Variants in DYNC1LI1 observed in about 807,000 individuals in gnomAD.
The protein encoded by DYNC1LI1 is dynein cytoplasmic 1 light intermediate chain 1, also known as cytoplasmic dynein 1 light intermediate chain 1.
In DYNC1LI1, 19 loss-of-function variants were observed where a neutral mutation model predicts 63.8. The ratio of observed to expected loss-of-function variants is 0.30; its 90% CI spans 0.21 to 0.44. The LOEUF (loss-of-function observed/expected upper bound fraction) is 0.44. Ranked by LOEUF, DYNC1LI1 falls within the 20% of genes least tolerant of loss-of-function variation. The probability of loss-of-function intolerance (pLI) is 1.00; values close to 1 mark genes in which losing one functional copy is unlikely to be tolerated. For synonymous variants in DYNC1LI1, 225 were observed against 232.3 expected (o/e 0.97, Z 0.28); for missense variants, 565 against 630.2 (o/e 0.90, Z 1.11).
chr3:32,526,975 C>A lies in DYNC1LI1; in HGVS notation c.1463-67G>T, dbSNP rs954718446. 1.5e-5 allele frequency: 16 copies of A among 1,096,920 alleles called. No individual in the cohort carries two copies. The Admixed American group carries it at 1.8e-4, about 13-fold the overall frequency. 67.9% of individuals were successfully genotyped at this position (1,096,920 alleles called of 1,614,324 possible). On this transcript the variant is annotated intron_variant, in intron 12 of 12. Coordinates refer to ENST00000273130, the MANE Select transcript of DYNC1LI1 (RefSeq NM_016141.4). ...GTGAAAGTATCGTTTTCACCAATAT[C>A]TCTTCATTTAAAAAGTCCTAACACT...
At chr3:32,569,746 C>G (rs1698315369) in intron 2 of DYNC1LI1, among the ~76,000 whole-genome samples, 1 of 152,196 alleles carries the variant, frequency 6.6e-6, no homozygotes, top group Non-Finnish European at 1.5e-5. Flanking sequence ...TGGACCGTTT[C>G]TCCTTATTAC....
chr3:32,561,770 A>G (rs1333795945), intron 2 of DYNC1LI1, among the ~76,000 whole-genome samples: 1 of 152,162 alleles, frequency 6.6e-6, no homozygotes, highest in Non-Finnish European at 1.5e-5. Flanking sequence ...AGGTATAACA[A>G]TAATAATCTG....
chr3:32,550,680 G>C (rs963838611), intron 2 of DYNC1LI1, among the ~76,000 whole-genome samples: 3 of 152,144 alleles, frequency 2.0e-5, no homozygotes, highest in Non-Finnish European at 4.4e-5. Flanking sequence ...TTGTTATAAG[G>C]TATCAGAATC....
At chr3:32,545,418 A>T in intron 3 of DYNC1LI1, 1 of 402,042 alleles carries the variant, frequency 2.5e-6, no homozygotes, top group South Asian at 3.1e-5. Flanking sequence ...TTTTACCATC[A>T]GCAGATAGAG....
chr3:32,561,750 G>A (rs1267208830), intron 2 of DYNC1LI1, among the ~76,000 whole-genome samples: 3 of 151,688 alleles, frequency 2.0e-5, no homozygotes, highest in Non-Finnish European at 2.9e-5. Context: ...TACTGGACAA[G>A]TGGAAAATGA....
chr3:32,535,296 A>C (rs1697759211), intron 6 of DYNC1LI1, among the ~76,000 whole-genome samples: 1 of 152,248 alleles, frequency 6.6e-6, no homozygotes, highest in Non-Finnish European at 1.5e-5. Context: ...CAAAAGACAC[A>C]GTGGATGTAA....
In DYNC1LI1 at chr3:32,529,580, G is replaced by A; in HGVS notation, c.1266C>T (p.Pro422=). 6.2e-7 allele frequency: 1 copy of A among 1,609,148 alleles called. No individual in the cohort carries two copies. Among genetic ancestry groups the A allele is most frequent in the Non-Finnish European group, 8.5e-7 (1 of 1,177,798 alleles). ...SVSSNVASVS[P]IPAGSKKIDP... is the part of the protein sequence containing the mutation. ...CAATTTTTTTTGACCCAGCAGGAAT[G>A]GGTGACACGCTGGCAACATTAGATG... Residue 422 remains proline, a synonymous_variant, in exon 11 of 13, where the codon CCC becomes CCT. Transcript: ENST00000273130.
intron 6 of DYNC1LI1, among the ~76,000 whole-genome samples, chr3:32,535,911 A>G (rs562717477): frequency 3.9e-5 from 6 of 152,294 alleles, no homozygotes; most frequent in Non-Finnish European, 8.8e-5. Context: ...ATGATTAAAG[A>G]GACTGTTTAC....
In DYNC1LI1 at chr3:32,537,927, A is replaced by ATATATATATATAATT. The variant is rs1697802340; in HGVS notation, c.739-824_739-823insAATTATATATATATA. ...TATATATATATAATTTATATATATA[A>ATATATATATATAATT]TATATATATAATATATATATAATTT... On this transcript the variant is annotated intron_variant, in intron 5 of 12. Transcript: ENST00000273130. Among the ~76,000 whole-genome samples, 84 of 33,214 alleles carry ATATATATATATAATT rather than the reference A, an allele frequency of 2.5e-3. 7 individuals carry two copies. The highest frequency in any genetic ancestry group is 9.5e-3 in the African/African-American group (60 of 6,286). 21.8% of individuals were successfully genotyped at this position (33,214 alleles called of 152,430 possible).
chr3:32,528,679 C>T, intron 11 of DYNC1LI1, 78 bp from the exon 12 acceptor site: 4 of 1,359,022 alleles, frequency 2.9e-6, no homozygotes, highest in East Asian at 2.5e-5. Flanking sequence ...AGTAATCACA[C>T]ATAGAAAATG....
At chr3:32,543,790 C>T (rs538171377) in intron 4 of DYNC1LI1, among the ~76,000 whole-genome samples, 2 of 150,438 alleles carry the variant, frequency 1.3e-5, no homozygotes, top group African/African-American at 2.4e-5. Flanking sequence ...GGCAGCCGGA[C>T]GTGGTGGCTC....
chr3:32,538,287 G>A (rs896402670), intron 5 of DYNC1LI1, among the ~76,000 whole-genome samples: 1 of 149,384 alleles, frequency 6.7e-6, no homozygotes, highest in African/African-American at 2.5e-5. Context: ...ATATAATTAT[G>A]AGGAGCATTT....
intron 2 of DYNC1LI1, among the ~76,000 whole-genome samples, chr3:32,552,036 A>G (rs1171579295): frequency 6.6e-6 from 1 of 152,200 alleles, no homozygotes; most frequent in African/African-American, 2.4e-5. Flanking sequence ...TCACATTTCA[A>G]TATGCACAAA....
At chr3:32,543,728 A>G (rs552140901) in intron 4 of DYNC1LI1, among the ~76,000 whole-genome samples, 1 of 151,364 alleles carries the variant, frequency 6.6e-6, no homozygotes, top group East Asian at 2.0e-4. Context: ...TTCTTATGCA[A>G]AGCACAATAT....
chr3:32,535,979 T>C (rs1211038384), intron 6 of DYNC1LI1, among the ~76,000 whole-genome samples: 1 of 152,170 alleles, frequency 6.6e-6, no homozygotes, highest in Admixed American at 6.6e-5. Flanking sequence ...ATACCTACAC[T>C]ACAATTACCC....
At chr3:32,561,237 A>G (rs1698189587) in intron 2 of DYNC1LI1, among the ~76,000 whole-genome samples, 1 of 151,696 alleles carries the variant, frequency 6.6e-6, no homozygotes, top group Non-Finnish European at 1.5e-5. Flanking sequence ...CTTTACATTA[A>G]GATGCAAATT....
rs536968128 is a variant in DYNC1LI1, at chr3:32,541,083, G to A, written c.692C>T (p.Thr231Ile). Residue 231 changes from threonine to isoleucine, a missense_variant, in exon 5 of 13, where the codon ACA becomes ATA. Physicochemically the swap from Thr to Ile is moderately conservative, Grantham distance 89. Coordinates refer to ENST00000273130, the MANE Select transcript of DYNC1LI1 (RefSeq NM_016141.4). ...TGGAATGCCCAAGTTATGTGTAAGT[G>A]TATCCGCACCCAGAGGTAAAACTAC... Reference protein sequence around the residue: ...DSVVLPLGADTLTHNLGIPVL... With the variant: ...DSVVLPLGADILTHNLGIPVL... 7.9e-5 allele frequency: 127 copies of A among 1,613,768 alleles called. 2 individuals are homozygous for A. The South Asian group carries it at 1.4e-3, about 17-fold the overall frequency.
chr3:32,545,338 G>T (rs903246425), intron 3 of DYNC1LI1: 1 of 551,794 alleles, frequency 1.8e-6, no homozygotes, highest in African/African-American at 1.9e-5. Context: ...GGCCTAAAAT[G>T]ACTTAACTGT....
At chr3:32,527,909 C>T (rs539989836) in intron 12 of DYNC1LI1, among the ~76,000 whole-genome samples, 27 of 151,420 alleles carry the variant, frequency 1.8e-4, no homozygotes, top group Non-Finnish European at 2.8e-4. Context: ...TCACTTGAGG[C>T]CAGGAATTCG....
Sources: gnomAD v4.1 joint callset for allele counts (sites outside exome capture counted in the v4.1 genomes callset) on GRCh38, gnomAD v4.1.1 for gene constraint, MANE v1.5 for transcripts, NCBI Gene and HGNC (gene_info 2026-07-23, HGNC 2026-07-21) for gene names.